The following HYCC1 variants were observed in gnomAD, a reference collection of about 807,000 sequenced individuals.
HYCC1 encodes hyccin.
At chr7:22,979,483 A>G in the HYCC1 span, among the ~76,000 whole-genome samples, 1 of 152,196 alleles carries the variant, frequency 6.6e-6, no homozygotes, top group African/African-American at 2.4e-5. Flanking sequence ...TGCCATTCAG[A>G]GATAGCAAGA....
chr7:22,902,781 A>C, the HYCC1 span, among the ~76,000 whole-genome samples: 55 of 152,270 alleles, frequency 3.6e-4, no homozygotes, highest in Non-Finnish European at 5.9e-4. Flanking sequence ...ACTGTATAAT[A>C]GACTAATATA....
chr7:23,008,771 C>T, the HYCC1 span, among the ~76,000 whole-genome samples: 6 of 151,990 alleles, frequency 3.9e-5, no homozygotes, highest in Non-Finnish European at 7.4e-5. Context: ...TTTAAAACCT[C>T]TGAAGACGAT....
At chr7:22,962,613 T>C in the HYCC1 span, among the ~76,000 whole-genome samples, 2 of 150,044 alleles carry the variant, frequency 1.3e-5, no homozygotes, top group African/African-American at 4.9e-5. Flanking sequence ...TCTCATTCTA[T>C]GCTGAGATAA....
chr7:22,956,465 C>T, the HYCC1 span, among the ~76,000 whole-genome samples: 2 of 151,670 alleles, frequency 1.3e-5, no homozygotes, highest in Non-Finnish European at 3.0e-5. Context: ...AAGCCATGTC[C>T]ATACAATTGT....
chr7:22,903,945 G>T, the HYCC1 span, among the ~76,000 whole-genome samples: 15 of 152,124 alleles, frequency 9.9e-5, no homozygotes, highest in Non-Finnish European at 1.9e-4. Context: ...AAGGAAAAAT[G>T]AAGGGATTAT....
the HYCC1 span, among the ~76,000 whole-genome samples, chr7:22,996,292 CAAAAA>C: frequency 1.8e-5 from 1 of 55,632 alleles, no homozygotes; most frequent in Non-Finnish European, 3.7e-5. Context: ...GACTCCGTCT[CAAAAA>C]AAAAAAAAAA....
At chr7:22,971,023 A>G in the HYCC1 span, among the ~76,000 whole-genome samples, 4 of 152,106 alleles carry the variant, frequency 2.6e-5, no homozygotes, top group African/African-American at 9.7e-5. Context: ...TTTGGTCAAT[A>G]TATTTCTTGG....
the HYCC1 span, among the ~76,000 whole-genome samples, chr7:22,982,600 G>A: frequency 6.6e-6 from 1 of 152,096 alleles, no homozygotes; most frequent in Non-Finnish European, 1.5e-5. Context: ...AAGGAATTAT[G>A]TACTTCAGAT....
At chr7:22,933,080 A>G in the HYCC1 span, among the ~76,000 whole-genome samples, 2 of 152,170 alleles carry the variant, frequency 1.3e-5, no homozygotes, top group Non-Finnish European at 2.9e-5. Context: ...TTCAAAGGGG[A>G]TATTTTCCTG....
At chr7:22,924,135 G>GTCACTGCAC in the HYCC1 span, among the ~76,000 whole-genome samples, 1 of 143,636 alleles carries the variant, frequency 7.0e-6, no homozygotes, top group Admixed American at 7.3e-5. Context: ...GGGAGATCAT[G>GTCACTGCAC]TCACTGCACT....
chr7:23,001,710 A>G, the HYCC1 span, among the ~76,000 whole-genome samples: 5 of 152,106 alleles, frequency 3.3e-5, no homozygotes, highest in Non-Finnish European at 7.4e-5. Context: ...AATGAAGGAA[A>G]AGAAAAAAGA....
the HYCC1 span, among the ~76,000 whole-genome samples, chr7:22,924,354 G>A: frequency 6.6e-5 from 10 of 152,084 alleles, no homozygotes; most frequent in South Asian, 2.1e-4. Flanking sequence ...TGGGTGCAGC[G>A]CACTGTGTGT....
chr7:22,916,695 C>T, the HYCC1 span, among the ~76,000 whole-genome samples: 3 of 152,160 alleles, frequency 2.0e-5, no homozygotes. Flanking sequence ...ACCCTGATCG[C>T]ACTTGGTTTA....
chr7:22,983,741 AAG>A, the HYCC1 span: 1 of 544,700 alleles, frequency 1.8e-6, no homozygotes, highest in African/African-American at 1.9e-5. Flanking sequence ...GAGAGAGAAA[AAG>A]AGAGAAAATG....
At chr7:22,991,073 C>A in the HYCC1 span, 8 of 1,607,602 alleles carry the variant, frequency 5.0e-6, no homozygotes, top group East Asian at 2.2e-5. Flanking sequence ...TAAACTCTGA[C>A]AACCATTCCT....
chr7:22,978,910 G>A, the HYCC1 span, among the ~76,000 whole-genome samples: 4 of 152,096 alleles, frequency 2.6e-5, no homozygotes, highest in Non-Finnish European at 4.4e-5. Flanking sequence ...ACATTATCCA[G>A]TTAATAGAGC....
At chr7:23,009,058 G>C in the HYCC1 span, among the ~76,000 whole-genome samples, 1 of 151,748 alleles carries the variant, frequency 6.6e-6, no homozygotes, top group Non-Finnish European at 1.5e-5. Flanking sequence ...GACAAACTAG[G>C]GAAATTATTT....
At chr7:23,009,773 G>T in the HYCC1 span, among the ~76,000 whole-genome samples, 11 of 152,162 alleles carry the variant, frequency 7.2e-5, no homozygotes, top group African/African-American at 2.7e-4. Flanking sequence ...ACAGAGGAAT[G>T]ATTTTATCCT....
At chr7:22,926,371 A>C in the HYCC1 span, among the ~76,000 whole-genome samples, 2 of 152,214 alleles carry the variant, frequency 1.3e-5, no homozygotes, top group Non-Finnish European at 2.9e-5. Context: ...TGCTCCAATT[A>C]AAAGGCACTG....
Sources: gnomAD v4.1 joint callset for allele counts (sites outside exome capture counted in the v4.1 genomes callset) on GRCh38, gnomAD v4.1.1 for gene constraint, MANE v1.5 for transcripts, NCBI Gene and HGNC (gene_info 2026-07-23, HGNC 2026-07-21) for gene names.